FAF2: variants seen among roughly 807,000 people sequenced by gnomAD.
FAF2 encodes the protein FAS-associated factor 2.
A neutral mutation model predicts 62.3 loss-of-function variants in FAF2; 9 were observed. The ratio of observed to expected loss-of-function variants is 0.14; its 90% CI spans 0.09 to 0.25. The LOEUF (loss-of-function observed/expected upper bound fraction) is 0.25. FAF2 is among the 10% of genes least tolerant of loss of function. The probability of loss-of-function intolerance (pLI) is 1.00; values close to 1 mark genes in which losing one functional copy is unlikely to be tolerated. For missense variants in FAF2, 368 were observed against 556.2 expected (o/e 0.66, Z 3.40); for synonymous variants, 202 against 198.0 (o/e 1.02, Z -0.17).
intron 1 of FAF2, among the ~76,000 whole-genome samples, chr5:176,454,309 C>T (rs1043833735): frequency 6.6e-6 from 1 of 152,046 alleles, no homozygotes; most frequent in Non-Finnish European, 1.5e-5. Context: ...AGGAGAATCA[C>T]TTGAATTCTG....
intron 4 of FAF2, among the ~76,000 whole-genome samples, chr5:176,491,593 G>C (rs773411553): frequency 6.6e-6 from 1 of 152,148 alleles, no homozygotes; most frequent in Non-Finnish European, 1.5e-5. Flanking sequence ...AAAGGAGAAG[G>C]AGGGGCAAGT....
In FAF2 at chr5:176,507,539, A is replaced by G. The variant is rs1311759212; in HGVS notation, c.*589A>G. 2.4e-5 allele frequency: 4 copies of G among 163,798 alleles called. No homozygotes were observed. The highest frequency in any genetic ancestry group is 4.0e-5 in the Non-Finnish European group (3 of 74,618). The allele number at this position is 163,798 out of a possible 1,614,324, so 10.1% of individuals were successfully genotyped here. ...GTATATATATATATTTTTTTCCTTT[A>G]TTTGATAAAGAGCCAATTCTTTAAA... On this transcript the variant is annotated 3_prime_UTR_variant, in exon 11 of 11. Coordinates refer to ENST00000261942, the MANE Select transcript of FAF2 (RefSeq NM_014613.3).
intron 1 of FAF2, among the ~76,000 whole-genome samples, chr5:176,452,748 T>C (rs1027835197): frequency 6.6e-6 from 1 of 152,216 alleles, no homozygotes; most frequent in Non-Finnish European, 1.5e-5. Context: ...AGCCAGATTT[T>C]GGAGGCCTTT....
intron 10 of FAF2, among the ~76,000 whole-genome samples, chr5:176,504,471 C>T (rs941710695): frequency 2.6e-5 from 4 of 152,040 alleles, no homozygotes; most frequent in African/African-American, 9.7e-5. Flanking sequence ...GTAGTCACTG[C>T]TGCTTGGGAG....
intron 1 of FAF2, among the ~76,000 whole-genome samples, chr5:176,472,092 A>C (rs1192592513): frequency 6.6e-6 from 1 of 151,940 alleles, no homozygotes; most frequent in African/African-American, 2.4e-5. Flanking sequence ...TTTGGATTGG[A>C]GGGTCCAGAC....
intron 8 of FAF2, 135 bp downstream of exon 8, chr5:176,496,798 C>A: frequency 1.7e-6 from 1 of 595,558 alleles, no homozygotes; most frequent in Non-Finnish European, 2.7e-6. Context: ...CATTTATTGT[C>A]AAAATATTTA....
At chr5:176,461,514 G>A (rs1351794336) in intron 1 of FAF2, among the ~76,000 whole-genome samples, 1 of 150,984 alleles carries the variant, frequency 6.6e-6, no homozygotes, top group Non-Finnish European at 1.5e-5. Context: ...TTTTTTTAGA[G>A]ATAGGGTCTT....
chr5:176,465,354 TTC>T (rs994433208), intron 1 of FAF2, among the ~76,000 whole-genome samples: 6 of 143,300 alleles, frequency 4.2e-5, no homozygotes, highest in African/African-American at 7.9e-5. Flanking sequence ...AACTGAAATT[TTC>T]TTTTTCTTTC....
At chr5:176,478,111 G>C (rs1454133633) in intron 1 of FAF2, among the ~76,000 whole-genome samples, 1 of 151,300 alleles carries the variant, frequency 6.6e-6, no homozygotes, top group Non-Finnish European at 1.5e-5. Context: ...GTTTAGCTCT[G>C]TGGAAATTCT....
intron 1 of FAF2, among the ~76,000 whole-genome samples, chr5:176,465,597 C>T (rs905822255): frequency 6.6e-6 from 1 of 152,104 alleles, no homozygotes; most frequent in Non-Finnish European, 1.5e-5. Flanking sequence ...AAACTCCTGA[C>T]CTCAGGTGAT....
intron 1 of FAF2, among the ~76,000 whole-genome samples, chr5:176,469,753 A>G (rs1758526340): frequency 6.6e-6 from 1 of 152,222 alleles, no homozygotes; most frequent in Non-Finnish European, 1.5e-5. Flanking sequence ...TGAAAATTGG[A>G]AGCAGCCGTA....
chr5:176,451,739 G>A lies in FAF2; in HGVS notation c.63+3269G>A, dbSNP rs911130825. On this transcript the variant is annotated intron_variant, in intron 1 of 10. Transcript: ENST00000261942. The stretch of plus-strand genomic sequence containing the variant: ...GCGATATATATAGATATATATATAT[G>A]TGTATATATGTATATTGTATATATA... Among the ~76,000 whole-genome samples the A allele has an allele frequency of 1.5e-5, 2 of 135,538 alleles. 1 individual carries two copies. Among genetic ancestry groups the A allele is most frequent in the South Asian group, 4.5e-4 (2 of 4,454 alleles). 88.9% of individuals were successfully genotyped at this position (135,538 alleles called of 152,430 possible).
chr5:176,451,882 A>G (rs2095368017), intron 1 of FAF2, among the ~76,000 whole-genome samples: 3 of 24,660 alleles, frequency 1.2e-4, no homozygotes, highest in African/African-American at 5.4e-4. Flanking sequence ...ACACATATAT[A>G]TATATATATA....
rs564356345 is a variant in FAF2 at position 176,452,649 on chromosome 5, A to C, written c.63+4179A>C. On this transcript the variant is annotated intron_variant, in intron 1 of 10. Transcript: ENST00000261942. ...ATTCAAAGCTAAAGAAATAGCTTGC[A>C]CAAGGTAGGGAGATGGGAAAGTGAA... Among the ~76,000 whole-genome samples, 4 of 152,362 alleles carry C rather than the reference A, an allele frequency of 2.6e-5. No homozygotes were observed. In the South Asian group the frequency reaches 8.3e-4, roughly 32 times the overall value.
intron 8 of FAF2, among the ~76,000 whole-genome samples, chr5:176,498,616 C>A (rs1257740154): frequency 6.6e-6 from 1 of 152,082 alleles, no homozygotes; most frequent in Non-Finnish European, 1.5e-5. Flanking sequence ...TATTGATGAT[C>A]CCTTCATAAT....
chr5:176,489,856 C>G (rs1758943054), intron 4 of FAF2, among the ~76,000 whole-genome samples: 1 of 152,130 alleles, frequency 6.6e-6, no homozygotes, highest in Non-Finnish European at 1.5e-5. Flanking sequence ...AGCTTCGGTA[C>G]CTTTTCACTT....
At chr5:176,487,701 CATT>C (rs1013533173) in intron 3 of FAF2, among the ~76,000 whole-genome samples, 1 of 152,042 alleles carries the variant, frequency 6.6e-6, no homozygotes, top group African/African-American at 2.4e-5. Context: ...TAATAATTAG[CATT>C]ATTACTAAGA....
At chr5:176,479,603 C>A (rs919884639) in intron 2 of FAF2, among the ~76,000 whole-genome samples, 1 of 152,054 alleles carries the variant, frequency 6.6e-6, no homozygotes, top group African/African-American at 2.4e-5. Flanking sequence ...TAGTCATGTT[C>A]TCTGCAACTC....
intron 3 of FAF2, among the ~76,000 whole-genome samples, chr5:176,487,529 C>A (rs576664430): frequency 3.1e-4 from 47 of 152,216 alleles, no homozygotes; most frequent in South Asian, 1.2e-3. Flanking sequence ...CTGTGGTTTT[C>A]TGAAGTACAG....
Sources: allele counts gnomAD v4.1 joint callset (sites outside exome capture counted in the v4.1 genomes callset), GRCh38; gene constraint gnomAD v4.1.1; transcripts MANE v1.5; gene names NCBI Gene and HGNC (gene_info 2026-07-23, HGNC 2026-07-21).